P3H2: variants seen among roughly 807,000 people sequenced by gnomAD.
P3H2 encodes prolyl 3-hydroxylase 2, also known as leprecan-like 1.
In P3H2, 80 loss-of-function variants were observed where a neutral mutation model predicts 87.0. The ratio of observed to expected loss-of-function variants is 0.92; its 90% CI spans 0.77 to 1.11. The LOEUF (loss-of-function observed/expected upper bound fraction) is 1.11, where lower values mean the gene tolerates loss of function less well. Ranked by LOEUF, P3H2 falls within the 50% of genes least tolerant of loss-of-function variation. The probability of loss-of-function intolerance (pLI) is 0.00; values close to 1 mark genes in which losing one functional copy is unlikely to be tolerated. For missense variants in P3H2, 1,001 were observed against 923.9 expected (o/e 1.08, Z -1.08); for synonymous variants, 367 against 359.3 (o/e 1.02, Z -0.24).
chr3:189,957,865 A>T lies in P3H2; in HGVS notation c.*47T>A. On this transcript the variant is annotated 3_prime_UTR_variant, in exon 15 of 15. Transcript: ENST00000319332. Reference sequence around the variant, plus strand: ...GTACAAAAATAAAAAGGTTCTCATAAGATTAACAATTTAAATAAATATTTG... The same window carrying T: ...GTACAAAAATAAAAAGGTTCTCATATGATTAACAATTTAAATAAATATTTG... 1 of 1,327,696 alleles carries T rather than the reference A, an allele frequency of 7.5e-7. No homozygotes were observed. The highest frequency in any genetic ancestry group is 1.2e-5 in the South Asian group (1 of 84,636). The allele number at this position is 1,327,696 out of a possible 1,614,324, so 82.2% of individuals were successfully genotyped here.
At chr3:190,109,997 C>T (rs1712009837) in intron 1 of P3H2, among the ~76,000 whole-genome samples, 1 of 116,628 alleles carries the variant, frequency 8.6e-6, no homozygotes, top group African/African-American at 3.4e-5. Context: ...TACAGGCATG[C>T]ACCACCACAC....
intron 1 of P3H2, among the ~76,000 whole-genome samples, chr3:190,045,860 A>G (rs191563091): frequency 8.0e-4 from 122 of 152,208 alleles, no homozygotes; most frequent in East Asian, 4.6e-3. Flanking sequence ...GGTGGCTCAC[A>G]CCTGTAATCC....
rs1724891299 is a variant in P3H2, at chr3:190,020,137, T to C, written c.481-24695A>G. On this transcript the variant is annotated intron_variant, in intron 1 of 14. Transcript: ENST00000319332. ...AGTTCAAAGTTTCTTCCATTATCTG[T>C]GGTGGCTGCCACCTTCAGAAAGGCT... 1.5e-5 allele frequency among the ~76,000 whole-genome samples: 2 copies of C among 132,916 alleles called. 1 individual carries two copies. Among genetic ancestry groups the C allele is most frequent in the Non-Finnish European group, 3.3e-5 (2 of 59,934 alleles). 87.2% of individuals were successfully genotyped at this position (132,916 alleles called of 152,430 possible). A position where few individuals can be genotyped will look rare whatever the true frequency, so the allele number is the denominator to read the frequency against.
At position 190,116,676 on chromosome 3, in the gene P3H2, A is replaced by G. The variant is rs192391839; in HGVS notation, c.480+3576T>C. 625 of 152,382 alleles carry G rather than the reference A, an allele frequency of 4.1e-3. 3 individuals carry two copies. Among genetic ancestry groups the G allele is most frequent in the Non-Finnish European group, 7.1e-3 (481 of 68,068 alleles). 9.4% of individuals were successfully genotyped at this position (152,382 alleles called of 1,614,324 possible). ...CTATGGTAACCTATTTGAGCTTTAT[A>G]TGGTAGCAAGAGGAAGTCCACTGAA... is the stretch of plus-strand genomic sequence containing the variant. On this transcript the variant is annotated intron_variant, in intron 1 of 14. Coordinates refer to ENST00000319332, the MANE Select transcript of P3H2 (RefSeq NM_018192.4).
At chr3:190,120,980 C>T (rs540333508), upstream of P3H2, 59 of 514,920 alleles carry the variant, frequency 1.1e-4, no homozygotes, top group African/African-American at 1.1e-3. Flanking sequence ...CCGAGAGCCG[C>T]TCTCCCAGGC....
intron 1 of P3H2, among the ~76,000 whole-genome samples, chr3:190,102,734 T>G (rs756946223): frequency 6.6e-6 from 1 of 152,220 alleles, no homozygotes; most frequent in African/African-American, 2.4e-5. Context: ...TTTGAGAGAA[T>G]TGACCACTTT....
chr3:189,973,507 C>CTTTTTTTTTTTT lies in P3H2; in HGVS notation c.1548+401_1548+402insAAAAAAAAAAAA, dbSNP rs879286759. On this transcript the variant is annotated intron_variant, in intron 10 of 14. Coordinates refer to ENST00000319332, the MANE Select transcript of P3H2 (RefSeq NM_018192.4). ...TCAAAACTTTTTTCTTTCTTTCTTTCTTTCTTTTTTTTTTTTTTTTTTTTT... is the reference window on the plus strand; with the variant it reads ...TCAAAACTTTTTTCTTTCTTTCTTTCTTTTTTTTTTTTTTTCTTTTTTTTTTTTTTTTTTTTT... Among the ~76,000 whole-genome samples, 176 of 78,946 alleles carry CTTTTTTTTTTTT rather than the reference C, an allele frequency of 2.2e-3. 18 individuals are homozygous for CTTTTTTTTTTTT. Among genetic ancestry groups the CTTTTTTTTTTTT allele is most frequent in the Middle Eastern group, 8.6e-3 (1 of 116 alleles). 51.8% of individuals were successfully genotyped at this position (78,946 alleles called of 152,430 possible). A position where few individuals can be genotyped will look rare whatever the true frequency, so the allele number is the denominator to read the frequency against.
In P3H2 at chr3:189,957,580, C is replaced by A. The variant is rs999360446; in HGVS notation, c.*332G>T. On this transcript the variant is annotated 3_prime_UTR_variant, in exon 15 of 15. Coordinates refer to ENST00000319332, the MANE Select transcript of P3H2 (RefSeq NM_018192.4). ...TGGCACGTGCCTGTGGTCCCAGCTC[C>A]CCGGGAGGCTTGAAGGATCGCCTGA... 2.2e-5 allele frequency: 9 copies of A among 410,658 alleles called. No homozygotes were observed. Among genetic ancestry groups the A allele is most frequent in the African/African-American group, 1.8e-4 (9 of 49,422 alleles). 25.4% of individuals were successfully genotyped at this position (410,658 alleles called of 1,614,324 possible).
intron 1 of P3H2, among the ~76,000 whole-genome samples, chr3:190,030,002 CAA>C (rs11324089): frequency 6.0e-5 from 8 of 133,246 alleles, no homozygotes; most frequent in African/African-American, 5.8e-5. Flanking sequence ...AACTCCGTCT[CAA>C]AAAAAAAAAG....
intron 1 of P3H2, among the ~76,000 whole-genome samples, chr3:190,008,778 A>G (rs1560360215): frequency 6.6e-6 from 1 of 152,108 alleles, no homozygotes; most frequent in Non-Finnish European, 1.5e-5. Context: ...CCCGAGCAAC[A>G]TTTAATGAGG....
chr3:189,970,400 C>T (rs990870748), intron 13 of P3H2, among the ~76,000 whole-genome samples: 7 of 149,596 alleles, frequency 4.7e-5, no homozygotes, highest in Non-Finnish European at 8.9e-5. Context: ...TATTTGAAGG[C>T]CAATGCTCAG....
intron 1 of P3H2, among the ~76,000 whole-genome samples, chr3:190,059,034 A>G (rs959984203): frequency 1.3e-5 from 2 of 152,094 alleles, no homozygotes; most frequent in Non-Finnish European, 2.9e-5. Flanking sequence ...CCCTTTCTCG[A>G]TCATTTTCTG....
intron 1 of P3H2, among the ~76,000 whole-genome samples, chr3:190,104,617 T>C (rs2108518297): frequency 6.6e-6 from 1 of 152,270 alleles, no homozygotes; most frequent in South Asian, 2.1e-4. Flanking sequence ...TTGCAAAGCC[T>C]CTATAAATGA....
chr3:189,999,257 T>C (rs1724139412), intron 1 of P3H2, among the ~76,000 whole-genome samples: 1 of 152,340 alleles, frequency 6.6e-6, no homozygotes, highest in South Asian at 2.1e-4. Flanking sequence ...TCCTCCTTTA[T>C]AGTCCAGAAT....
rs775467897 is a variant in P3H2, at chr3:189,973,953, G to A, written c.1504C>T (p.Pro502Ser). Residue 502 changes from proline to serine, a missense_variant, in exon 10 of 15, where the codon CCC (proline) becomes TCC (serine). Physicochemically the swap from Pro to Ser is moderately conservative, Grantham distance 74. Coordinates refer to ENST00000319332, the MANE Select transcript of P3H2 (RefSeq NM_018192.4). ...GTTGCACCTTCAAACTTTTCATTGG[G>A]TGTATGGGGTGAAGTTTTTCCTCTG... is the stretch of plus-strand genomic sequence containing the variant. The part of the protein sequence containing the change: ...GYRGKTSPHT[P>S]NEKFEGATVL... The A allele has an allele frequency of 8.7e-6, 14 of 1,614,082 alleles. No homozygotes were observed. In the South Asian group the frequency reaches 1.1e-4, roughly 13 times the overall value.
At chr3:190,081,478 G>GA (rs1727042363) in intron 1 of P3H2, among the ~76,000 whole-genome samples, 1 of 152,008 alleles carries the variant, frequency 6.6e-6, no homozygotes, top group Non-Finnish European at 1.5e-5. Flanking sequence ...TAAATGGAAA[G>GA]AAAAAAGAAT....
chr3:190,008,144 TG>T (rs1400309168), intron 1 of P3H2, among the ~76,000 whole-genome samples: 1 of 151,942 alleles, frequency 6.6e-6, no homozygotes. Context: ...GAGTGAAAAG[TG>T]TTCTTCTCAG....
At chr3:189,990,568 T>C (rs1723846139) in intron 3 of P3H2, among the ~76,000 whole-genome samples, 2 of 152,192 alleles carry the variant, frequency 1.3e-5, no homozygotes, top group Admixed American at 6.5e-5. Context: ...TAGGGTTTCA[T>C]AGCAGAGCTA....
intron 1 of P3H2, among the ~76,000 whole-genome samples, chr3:190,062,089 T>C (rs1726348449): frequency 6.6e-6 from 1 of 152,160 alleles, no homozygotes. Flanking sequence ...AAATCAAAGA[T>C]AATCAAACTC....
Sources: gnomAD v4.1 joint callset for allele counts (sites outside exome capture counted in the v4.1 genomes callset) on GRCh38, gnomAD v4.1.1 for gene constraint, MANE v1.5 for transcripts, NCBI Gene and HGNC (gene_info 2026-07-23, HGNC 2026-07-21) for gene names.